The following PLXDC2 variants were observed in gnomAD, a reference collection of about 807,000 sequenced individuals.
PLXDC2 encodes plexin domain containing 2, also known as plexin domain-containing protein 2.
A neutral mutation model predicts 68.9 loss-of-function variants in PLXDC2; 40 were observed. The observed-to-expected ratio is 0.58, with a 90% CI of 0.45 to 0.76. The LOEUF (loss-of-function observed/expected upper bound fraction) is 0.76. PLXDC2 is among the 30% of genes least tolerant of loss of function. PLXDC2 has a pLI of 0.00. For synonymous variants in PLXDC2, 243 were observed against 234.2 expected, an observed-to-expected ratio of 1.04 and a Z score of -0.34; for missense variants, 644 against 661.9, an observed-to-expected ratio of 0.97 and a Z score of 0.30.
intron 2 of PLXDC2, among the ~76,000 whole-genome samples, chr10:20,037,928 C>G (rs1486758883): frequency 6.6e-6 from 1 of 152,196 alleles, no homozygotes; most frequent in East Asian, 1.9e-4. Context: ...ACACCCCACT[C>G]TACTAATCTA....
At chr10:19,867,350 C>A (rs1037255557) in intron 1 of PLXDC2, among the ~76,000 whole-genome samples, 1 of 152,152 alleles carries the variant, frequency 6.6e-6, no homozygotes, top group East Asian at 1.9e-4. Context: ...TAGGCATAAG[C>A]CACCACTCCT....
intron 1 of PLXDC2, among the ~76,000 whole-genome samples, chr10:19,896,392 G>C (rs1370571919): frequency 6.6e-6 from 1 of 152,216 alleles, no homozygotes; most frequent in African/African-American, 2.4e-5. Flanking sequence ...TGGATGCTTT[G>C]CTAGCTGTAT....
At chr10:20,238,888 A>G (rs1167703070) in intron 12 of PLXDC2, among the ~76,000 whole-genome samples, 1 of 151,600 alleles carries the variant, frequency 6.6e-6, no homozygotes, top group Non-Finnish European at 1.5e-5. Context: ...GTTGAAAAGC[A>G]ATGACACTCA....
At chr10:20,004,610 C>G (rs1357580994) in intron 2 of PLXDC2, among the ~76,000 whole-genome samples, 2 of 152,102 alleles carry the variant, frequency 1.3e-5, no homozygotes, top group Non-Finnish European at 2.9e-5. Context: ...AAAATCTGCA[C>G]CCCCTAAGTA....
intron 1 of PLXDC2, among the ~76,000 whole-genome samples, chr10:19,989,468 G>C (rs1834708591): frequency 6.6e-6 from 1 of 152,018 alleles, no homozygotes; most frequent in South Asian, 2.1e-4. Context: ...CCAATAACAT[G>C]GAAAGATATT....
rs1459550092 is a variant in PLXDC2 at position 20,177,396 on chromosome 10, A to G, written c.1048A>G (p.Ser350Gly). 3.9e-6 allele frequency: 6 copies of G among 1,551,824 alleles called. No individual in the cohort carries two copies. Among genetic ancestry groups the G allele is most frequent in the Non-Finnish European group, 5.3e-6 (6 of 1,127,696 alleles). ...SQIGFNCSWC[S>G]KLQRCSSGFD... ...GATTGGCTTCAACTGCAGTTGGTGT[A>G]GTAAACTTCAAAGGTAAAAATATAA... The change falls in exon 9 of 14, where the codon AGT (serine) becomes GGT (glycine). Residue 350 changes from serine (S) to glycine (G), a missense_variant. Around this residue, in one of 3 missense-constraint regions of PLXDC2, gnomAD observed 330 missense variants for 327.9 expected, o/e 1.01. Transcript: ENST00000377252.
chr10:20,105,856 A>C (rs1833484888), intron 4 of PLXDC2, among the ~76,000 whole-genome samples: 1 of 152,242 alleles, frequency 6.6e-6, no homozygotes, highest in Non-Finnish European at 1.5e-5. Context: ...GGACGAGAGC[A>C]TTATTTAATC....
At chr10:19,937,797 G>C (rs1280272132) in intron 1 of PLXDC2, among the ~76,000 whole-genome samples, 2 of 151,868 alleles carry the variant, frequency 1.3e-5, no homozygotes, top group Non-Finnish European at 2.9e-5. Flanking sequence ...GATGAGGAAG[G>C]GTTCCTGGTC....
chr10:20,010,907 G>A (rs1476407882), intron 2 of PLXDC2, among the ~76,000 whole-genome samples: 1 of 152,144 alleles, frequency 6.6e-6, no homozygotes, highest in Non-Finnish European at 1.5e-5. Context: ...GACAGTGATA[G>A]GTGAATTTGA....
intron 1 of PLXDC2, among the ~76,000 whole-genome samples, chr10:19,931,318 G>T (rs1365488385): frequency 2.0e-5 from 3 of 152,206 alleles, no homozygotes; most frequent in Admixed American, 2.0e-4. Flanking sequence ...TGAATGCTGT[G>T]TGGAGGCGCT....
intron 13 of PLXDC2, among the ~76,000 whole-genome samples, chr10:20,246,062 A>G (rs1240528278): frequency 6.6e-6 from 1 of 152,250 alleles, no homozygotes; most frequent in Non-Finnish European, 1.5e-5. Flanking sequence ...ACATTTATAT[A>G]TAAATGCAGA....
intron 1 of PLXDC2, among the ~76,000 whole-genome samples, chr10:19,960,883 T>A (rs1195125975): frequency 6.6e-6 from 1 of 152,232 alleles, no homozygotes; most frequent in Admixed American, 6.5e-5. Context: ...TAGCTTGCTG[T>A]CCCTGGAAAC....
intron 9 of PLXDC2, among the ~76,000 whole-genome samples, chr10:20,199,923 T>G (rs1834894074): frequency 1.3e-5 from 2 of 151,954 alleles, no homozygotes; most frequent in South Asian, 4.1e-4. Context: ...TTAAATTTGG[T>G]TCTTACTTTT....
intron 4 of PLXDC2, among the ~76,000 whole-genome samples, chr10:20,100,653 T>G (rs1377803455): frequency 6.6e-6 from 1 of 152,206 alleles, no homozygotes; most frequent in Non-Finnish European, 1.5e-5. Flanking sequence ...GCAGAGTAAT[T>G]GATAACAGCT....
At chr10:20,188,220 G>A (rs1834712611) in intron 9 of PLXDC2, among the ~76,000 whole-genome samples, 1 of 151,616 alleles carries the variant, frequency 6.6e-6, no homozygotes, top group African/African-American at 2.4e-5. Context: ...CTATCGGGCT[G>A]TACTTTGTAT....
chr10:20,040,861 C>T (rs1271514758), intron 2 of PLXDC2, among the ~76,000 whole-genome samples: 1 of 152,040 alleles, frequency 6.6e-6, no homozygotes, highest in Non-Finnish European at 1.5e-5. Context: ...TAGACTAGTA[C>T]CTTAAAAGGT....
intron 4 of PLXDC2, among the ~76,000 whole-genome samples, chr10:20,081,649 C>CAACA (rs575892327): frequency 8.6e-4 from 131 of 152,146 alleles, no homozygotes; most frequent in African/African-American, 3.1e-3. Context: ...TATTATTTGC[C>CAACA]AACAAACAAA....
chr10:20,034,861 C>G (rs920884821), intron 2 of PLXDC2, among the ~76,000 whole-genome samples: 4 of 152,288 alleles, frequency 2.6e-5, no homozygotes, highest in Admixed American at 1.3e-4. Flanking sequence ...TAGCCTAGAA[C>G]AGTTGACCAT....
chr10:19,935,678 T>G (rs748929223), intron 1 of PLXDC2, among the ~76,000 whole-genome samples: 3 of 152,184 alleles, frequency 2.0e-5, no homozygotes, highest in Non-Finnish European at 4.4e-5. Flanking sequence ...CCTCCTATGT[T>G]TTAAAGTCCT....
Sources: gnomAD v4.1 joint callset for allele counts (sites outside exome capture counted in the v4.1 genomes callset) on GRCh38, gnomAD v4.1.1 for gene constraint, gnomAD v4.1.1 regional missense constraint, MANE v1.5 for transcripts, NCBI Gene and HGNC (gene_info 2026-07-23, HGNC 2026-07-21) for gene names.